The following CLIC4 variants were observed in gnomAD, a reference collection of about 807,000 sequenced individuals.
The protein encoded by CLIC4 is chloride intracellular channel protein 4.
Under a neutral mutation model 24.6 loss-of-function variants are expected in CLIC4, and 13 were observed. That is an observed-to-expected ratio of 0.53 (90% CI 0.34 to 0.84). The LOEUF (loss-of-function observed/expected upper bound fraction) is 0.84. CLIC4 is among the 40% of genes least tolerant of loss of function. The pLI, the probability that CLIC4 is intolerant of heterozygous loss-of-function variation, is 0.01. For missense variants in CLIC4, 227 were observed against 301.7 expected, an observed-to-expected ratio of 0.75 and a Z score of 1.83; for synonymous variants, 104 against 111.3, an observed-to-expected ratio of 0.93 and a Z score of 0.41.
chr1:24,796,510 T>A (rs113791007), intron 1 of CLIC4, among the ~76,000 whole-genome samples: 2,244 of 152,082 alleles, frequency 0.015, 68 homozygotes, highest in African/African-American at 0.052. Context: ...TTTATTCTAC[T>A]TTTTCTATGT....
At chr1:24,804,766 A>G (rs1279281766) in intron 2 of CLIC4, among the ~76,000 whole-genome samples, 2 of 152,052 alleles carry the variant, frequency 1.3e-5, no homozygotes, top group African/African-American at 2.4e-5. Context: ...ATCAGTATAC[A>G]CTTTACTCCT....
At position 24,745,534 on chromosome 1, in the gene CLIC4, G is replaced by T. The variant is rs1571223813; in HGVS notation, c.-20G>T. 2 of 1,574,804 alleles carry T rather than the reference G, an allele frequency of 1.3e-6. No homozygotes were observed. The highest frequency in any genetic ancestry group is 2.3e-5 in the South Asian group (2 of 85,580). ...AGCAGCAGCAGCCCTCGCCGTTCGC[G>T]GAGCGCAGCCGAGCCGGCCATGGCG... On this transcript the variant is annotated 5_prime_UTR_variant, in exon 1 of 6. Transcript: ENST00000374379.
intron 1 of CLIC4, among the ~76,000 whole-genome samples, chr1:24,790,189 A>G (rs966131920): frequency 1.4e-4 from 21 of 152,310 alleles, no homozygotes; most frequent in Admixed American, 1.2e-3. Context: ...CTCCTGCCCC[A>G]GCCTCCCGAG....
intron 1 of CLIC4, among the ~76,000 whole-genome samples, chr1:24,779,723 A>T (rs911933980): frequency 6.6e-6 from 1 of 152,160 alleles, no homozygotes; most frequent in Non-Finnish European, 1.5e-5. Context: ...AGTAGGAATT[A>T]CTTGATTTCT....
intron 1 of CLIC4, among the ~76,000 whole-genome samples, chr1:24,762,385 C>T (rs1393687422): frequency 1.3e-5 from 2 of 152,178 alleles, no homozygotes; most frequent in African/African-American, 4.8e-5. Flanking sequence ...GATCATGCCA[C>T]TGCACTGCCT....
chr1:24,802,361 AGT>A (rs1473138315), intron 2 of CLIC4, among the ~76,000 whole-genome samples: 1 of 152,144 alleles, frequency 6.6e-6, no homozygotes, highest in African/African-American at 2.4e-5. Context: ...AATATGTGTA[AGT>A]GTATATGTTA....
chr1:24,771,957 G>T, intron 1 of CLIC4: 1 of 444,476 alleles, frequency 2.2e-6, no homozygotes, highest in Non-Finnish European at 4.5e-6. Flanking sequence ...GTAGCCTTAG[G>T]CTTGGCTTAA....
Position 24,841,513 on chromosome 1 carries a change from C to T in CLIC4, c.*576C>T, listed in dbSNP as rs939187518. ...AGAAGAGAGCTTTCTACAAAAGTCA[C>T]TACAGATTTTGCTATATTGCTTTGT... is the stretch of plus-strand genomic sequence containing the variant. On this transcript the variant is annotated 3_prime_UTR_variant, in exon 6 of 6. Coordinates refer to ENST00000374379, the MANE Select transcript of CLIC4 (RefSeq NM_013943.3). 1.3e-5 allele frequency: 2 copies of T among 152,166 alleles called. No individual in the cohort carries two copies. Among genetic ancestry groups the T allele is most frequent in the Admixed American group, 6.5e-5 (1 of 15,284 alleles). 9.4% of individuals were successfully genotyped at this position (152,166 alleles called of 1,614,324 possible).
intron 4 of CLIC4, among the ~76,000 whole-genome samples, chr1:24,839,490 G>A (rs910942471): frequency 2.4e-4 from 36 of 152,160 alleles, no homozygotes; most frequent in African/African-American, 6.0e-4. Context: ...TAGTAGAGAC[G>A]AGGTTTCACC....
At chr1:24,775,034 G>A (rs1639116742) in intron 1 of CLIC4, among the ~76,000 whole-genome samples, 2 of 150,552 alleles carry the variant, frequency 1.3e-5, no homozygotes, top group South Asian at 4.2e-4. Context: ...TCACACCACT[G>A]TATTCCAGCC....
chr1:24,842,932 C>G lies in CLIC4; in HGVS notation c.*1995C>G, dbSNP rs530498678. 5.5e-4 allele frequency: 84 copies of G among 152,198 alleles called. No homozygotes were observed. Among genetic ancestry groups the G allele is most frequent in the African/African-American group, 1.7e-3 (72 of 41,530 alleles). The allele number at this position is 152,198 out of a possible 1,614,324, so 9.4% of individuals were successfully genotyped here. On this transcript the variant is annotated 3_prime_UTR_variant, in exon 6 of 6. Coordinates refer to ENST00000374379, the MANE Select transcript of CLIC4 (RefSeq NM_013943.3). ...CATAGCTTAAAGTATAAAAAAGATT[C>G]AAGAGCAGTGAGGTTTGTTCTTTCC...
At chr1:24,785,012 A>AG (rs756245801) in intron 1 of CLIC4, among the ~76,000 whole-genome samples, 3 of 151,424 alleles carry the variant, frequency 2.0e-5, no homozygotes, top group Non-Finnish European at 4.4e-5. Context: ...TCAAAAAAAA[A>AG]AAAAAAGAAA....
chr1:24,760,375 AG>A (rs770364786), intron 1 of CLIC4, among the ~76,000 whole-genome samples: 111 of 152,284 alleles, frequency 7.3e-4, no homozygotes, highest in Non-Finnish European at 1.3e-3. Context: ...AAAAGAAAAA[AG>A]AAAAAGAAAA....
chr1:24,750,510 T>C (rs1164834691), intron 1 of CLIC4, among the ~76,000 whole-genome samples: 2 of 149,734 alleles, frequency 1.3e-5, no homozygotes, highest in Non-Finnish European at 3.0e-5. Flanking sequence ...GGACTACAGG[T>C]GTGCACCACC....
At chr1:24,775,993 T>C (rs1639136156) in intron 1 of CLIC4, among the ~76,000 whole-genome samples, 1 of 152,194 alleles carries the variant, frequency 6.6e-6, no homozygotes, top group African/African-American at 2.4e-5. Flanking sequence ...AAGCAGGCAA[T>C]TGATTAACTT....
intron 1 of CLIC4, among the ~76,000 whole-genome samples, chr1:24,749,864 G>A (rs960404151): frequency 2.6e-5 from 4 of 152,256 alleles, no homozygotes; most frequent in African/African-American, 9.6e-5. Context: ...GGAGGCTGAG[G>A]CAGGCGGATC....
At chr1:24,800,891 A>T (rs1557806570) in intron 2 of CLIC4, among the ~76,000 whole-genome samples, 2 of 106,002 alleles carry the variant, frequency 1.9e-5, no homozygotes, top group Admixed American at 1.1e-4. Flanking sequence ...AGTCATCACC[A>T]CTCCCTAATC....
chr1:24,753,320 A>C (rs1188297936), intron 1 of CLIC4, among the ~76,000 whole-genome samples: 1 of 152,230 alleles, frequency 6.6e-6, no homozygotes, highest in African/African-American at 2.4e-5. Context: ...TACTGAGTTA[A>C]GTACTATGGA....
chr1:24,798,693 C>T (rs1307250146), intron 2 of CLIC4, among the ~76,000 whole-genome samples: 1 of 152,144 alleles, frequency 6.6e-6, no homozygotes, highest in Non-Finnish European at 1.5e-5. Context: ...CCACGGTCTC[C>T]CTCTCATGCG....
Sources: gnomAD v4.1 joint callset for allele counts (sites outside exome capture counted in the v4.1 genomes callset) on GRCh38, gnomAD v4.1.1 for gene constraint, MANE v1.5 for transcripts, NCBI Gene and HGNC (gene_info 2026-07-23, HGNC 2026-07-21) for gene names.